Variants in MACROD2 observed in about 807,000 individuals in gnomAD.
MACROD2 encodes the protein ADP-ribose glycohydrolase MACROD2.
Under a neutral mutation model 70.4 loss-of-function variants are expected in MACROD2, and 36 were observed. That is an observed-to-expected ratio of 0.51 (90% CI 0.39 to 0.68). The LOEUF (loss-of-function observed/expected upper bound fraction) is 0.68. MACROD2 is among the 30% of genes least tolerant of loss of function. MACROD2 has a pLI of 0.00. For synonymous variants in MACROD2, 172 were observed against 178.8 expected, an observed-to-expected ratio of 0.96 and a Z score of 0.30; for missense variants, 496 against 538.4, an observed-to-expected ratio of 0.92 and a Z score of 0.78.
chr20:14,723,097 G>T (rs1856866019), intron 5 of MACROD2, among the ~76,000 whole-genome samples: 1 of 152,042 alleles, frequency 6.6e-6, no homozygotes. Context: ...GCTTAAATTT[G>T]ATCTTTACAT....
intron 4 of MACROD2, among the ~76,000 whole-genome samples, chr20:14,576,134 C>G (rs1015971503): frequency 6.6e-6 from 1 of 152,214 alleles, no homozygotes; most frequent in South Asian, 2.1e-4. Context: ...TTAAGATTCC[C>G]CAGCCCCACG....
chr20:15,875,027 G>A (rs929320925), intron 9 of MACROD2, among the ~76,000 whole-genome samples: 5 of 152,154 alleles, frequency 3.3e-5, no homozygotes, highest in Non-Finnish European at 7.3e-5. Flanking sequence ...CTTTGAAGAT[G>A]GAGGAAGAGG....
At chr20:14,731,145 T>C (rs1331659759) in intron 5 of MACROD2, among the ~76,000 whole-genome samples, 3 of 152,010 alleles carry the variant, frequency 2.0e-5, no homozygotes, top group Non-Finnish European at 4.4e-5. Flanking sequence ...AAAATAATGC[T>C]CAATCCTGGT....
intron 5 of MACROD2, among the ~76,000 whole-genome samples, chr20:14,825,741 A>G (rs539691744): frequency 6.6e-6 from 1 of 152,258 alleles, no homozygotes; most frequent in African/African-American, 2.4e-5. Context: ...TTTTCACAAT[A>G]ACTTGTTTTA....
At chr20:14,906,955 AC>A (rs2073966755) in intron 5 of MACROD2, among the ~76,000 whole-genome samples, 1 of 152,316 alleles carries the variant, frequency 6.6e-6, no homozygotes, top group East Asian at 1.9e-4. Context: ...ACATGTAAAT[AC>A]AGAATTGTAT....
chr20:15,703,075 T>C (rs1359161685), intron 8 of MACROD2, among the ~76,000 whole-genome samples: 3 of 152,204 alleles, frequency 2.0e-5, no homozygotes, highest in Non-Finnish European at 4.4e-5. Context: ...GGTGCTGGGA[T>C]AGCTGGCTAG....
intron 6 of MACROD2, among the ~76,000 whole-genome samples, chr20:15,285,591 A>G (rs1320131933): frequency 6.6e-6 from 1 of 152,196 alleles, no homozygotes; most frequent in African/African-American, 2.4e-5. Context: ...GATATTAATT[A>G]TAGATTCTAA....
At chr20:15,413,347 T>C (rs2046103669) in intron 6 of MACROD2, among the ~76,000 whole-genome samples, 1 of 152,158 alleles carries the variant, frequency 6.6e-6, no homozygotes, top group African/African-American at 2.4e-5. Flanking sequence ...ATACACCATA[T>C]GTAAAGGAAA....
At chr20:15,864,310 A>G (rs958253389) in intron 9 of MACROD2, among the ~76,000 whole-genome samples, 2 of 152,138 alleles carry the variant, frequency 1.3e-5, no homozygotes, top group Non-Finnish European at 2.9e-5. Context: ...ATTTTGAAGT[A>G]TTGTTAAAAG....
intron 5 of MACROD2, among the ~76,000 whole-genome samples, chr20:15,051,752 CTTTTTTTT>C (rs547605196): frequency 7.3e-6 from 1 of 136,964 alleles, no homozygotes; most frequent in East Asian, 2.1e-4. Context: ...TATACCATCT[CTTTTTTTT>C]TTTTTTTTTG....
intron 15 of MACROD2, among the ~76,000 whole-genome samples, chr20:16,008,172 G>C (rs1196190494): frequency 6.6e-6 from 1 of 152,200 alleles, no homozygotes; most frequent in East Asian, 1.9e-4. Context: ...GGCCTGTATG[G>C]CAAGAGTCTC....
chr20:14,619,054 T>TC (rs202122976), intron 4 of MACROD2, among the ~76,000 whole-genome samples: 3,608 of 152,052 alleles, frequency 0.024, 62 homozygotes, highest in Admixed American at 0.037. Flanking sequence ...AAAATAACGA[T>TC]CATAGCCATA....
At chr20:15,668,624 A>G (rs865924604) in intron 8 of MACROD2, among the ~76,000 whole-genome samples, 4 of 151,486 alleles carry the variant, frequency 2.6e-5, no homozygotes, top group Middle Eastern at 3.4e-3. Flanking sequence ...ATTCACATCA[A>G]GAGGTTCCCA....
intron 5 of MACROD2, among the ~76,000 whole-genome samples, chr20:14,801,330 T>C (rs2072572962): frequency 6.6e-6 from 1 of 152,118 alleles, no homozygotes. Context: ...GTCCCTTAAG[T>C]CCGTGGACCA....
chr20:15,844,999 A>G (rs534514594), intron 8 of MACROD2, among the ~76,000 whole-genome samples: 2 of 152,306 alleles, frequency 1.3e-5, no homozygotes, highest in South Asian at 4.1e-4. Context: ...CATAAGTGGC[A>G]TCACACTTCA....
intron 3 of MACROD2, among the ~76,000 whole-genome samples, chr20:14,265,060 C>T (rs1275216243): frequency 2.0e-5 from 3 of 152,226 alleles, no homozygotes; most frequent in Non-Finnish European, 4.4e-5. Context: ...TCATGTGCTG[C>T]TTCTGTTCCT....
chr20:14,416,475 C>G (rs1464706263), intron 3 of MACROD2, among the ~76,000 whole-genome samples: 1 of 151,994 alleles, frequency 6.6e-6, no homozygotes, highest in African/African-American at 2.4e-5. Flanking sequence ...CACTTATTAT[C>G]ATGTATGCGA....
At chr20:15,526,787 T>G (rs1397981376) in intron 8 of MACROD2, among the ~76,000 whole-genome samples, 2 of 152,208 alleles carry the variant, frequency 1.3e-5, no homozygotes. Flanking sequence ...TTGGTTGATC[T>G]GGGCATTAAA....
At chr20:16,023,044 C>A (rs908287910) in intron 15 of MACROD2, among the ~76,000 whole-genome samples, 1 of 152,120 alleles carries the variant, frequency 6.6e-6, no homozygotes, top group Admixed American at 6.5e-5. Context: ...TGATATCTTA[C>A]TGAAATTAAG....
Sources: gnomAD v4.1 joint callset for allele counts (sites outside exome capture counted in the v4.1 genomes callset) on GRCh38, gnomAD v4.1.1 for gene constraint, MANE v1.5 for transcripts, NCBI Gene and HGNC (gene_info 2026-07-23, HGNC 2026-07-21) for gene names.